Variants in CSMD2 observed in about 807,000 individuals in gnomAD.
CSMD2 encodes CUB and sushi domain-containing protein 2.
A neutral mutation model predicts 398.5 loss-of-function variants in CSMD2; 130 were observed. The observed-to-expected ratio is 0.33, with a 90% CI of 0.28 to 0.38. The LOEUF is 0.38. CSMD2 is among the 10% of genes least tolerant of loss of function. The pLI, the probability that CSMD2 is intolerant of heterozygous loss-of-function variation, is 1.00. For missense variants in CSMD2, 3,829 were observed against 4,764.9 expected, an observed-to-expected ratio of 0.80 and a Z score of 5.78; for synonymous variants, 1,828 against 1,908.5, an observed-to-expected ratio of 0.96 and a Z score of 1.10.
Position 33,533,044 on chromosome 1 carries a change from A to C in CSMD2, c.10171+6T>G. 1 of 1,600,252 alleles carries C rather than the reference A, an allele frequency of 6.2e-7. No individual in the cohort carries two copies. The highest frequency in any genetic ancestry group is 8.5e-7 in the Non-Finnish European group (1 of 1,171,556). The stretch of plus-strand genomic sequence containing the variant: ...CTGGAGAGCTTCCCCGAGCAGGCAC[A>C]CTCACCCAGGCAGATGGGCGGCTTG... On this transcript the variant is annotated splice_donor_region_variant and intron_variant, in intron 64 of 70. Coordinates refer to ENST00000373381, the MANE Select transcript of CSMD2 (RefSeq NM_001281956.2). This position sits in a 1 kb window ranked among gnomAD's most constrained non-coding sequence, Gnocchi z 4.2.
At chr1:33,974,216 A>G (rs1645875550) in intron 3 of CSMD2, among the ~76,000 whole-genome samples, 1 of 152,228 alleles carries the variant, frequency 6.6e-6, no homozygotes, top group African/African-American at 2.4e-5. Flanking sequence ...TACACAATGC[A>G]GCGGCTCACA....
chr1:33,623,541 C>T (rs1641906212), intron 35 of CSMD2, 75 bp from the exon 36 acceptor site: 1 of 1,026,542 alleles, frequency 9.7e-7, no homozygotes. Flanking sequence ...CCCTTTCTGC[C>T]CTTCCCGTAG....
chr1:33,536,889 C>T, intron 62 of CSMD2, 133 bp downstream of exon 62: 1 of 805,408 alleles, frequency 1.2e-6, no homozygotes, highest in Non-Finnish European at 2.0e-6. Context: ...AGGCAGAGGG[C>T]TTTCTTTCTG....
chr1:34,010,124 CT>C (rs1212168116), intron 3 of CSMD2, among the ~76,000 whole-genome samples: 1 of 152,210 alleles, frequency 6.6e-6, no homozygotes, highest in Admixed American at 6.5e-5. Flanking sequence ...TCCTTGCCTT[CT>C]GATACTATTC....
intron 41 of CSMD2, chr1:33,606,130 A>G: frequency 1.5e-6 from 2 of 1,323,588 alleles, no homozygotes; most frequent in South Asian, 3.1e-5. Context: ...GCCTCCATGG[A>G]AGCAGCTGAG....
chr1:33,945,617 C>T (rs918027795), intron 3 of CSMD2, among the ~76,000 whole-genome samples: 6 of 152,136 alleles, frequency 3.9e-5, no homozygotes, highest in African/African-American at 1.2e-4. Flanking sequence ...GCCACATTGC[C>T]TCCTTCCTGC....
chr1:33,932,251 A>G (rs1570547490), intron 4 of CSMD2, among the ~76,000 whole-genome samples: 1 of 152,156 alleles, frequency 6.6e-6, no homozygotes, highest in East Asian at 1.9e-4. Context: ...AGCTCAGGAC[A>G]GAGAATGGGG....
intron 13 of CSMD2, among the ~76,000 whole-genome samples, chr1:33,767,812 G>T (rs2149318384): frequency 6.6e-6 from 1 of 152,270 alleles, no homozygotes; most frequent in Middle Eastern, 3.4e-3. Context: ...CCAGCAGTTT[G>T]CTTCTATACT....
At chr1:34,127,138 C>T (rs1662830424) in intron 1 of CSMD2, among the ~76,000 whole-genome samples, 5 of 152,120 alleles carry the variant, frequency 3.3e-5, no homozygotes, top group Admixed American at 6.5e-5. Flanking sequence ...CAGAGTGAGA[C>T]ACCAAGAAGC....
intron 13 of CSMD2, among the ~76,000 whole-genome samples, chr1:33,763,634 C>G (rs1650118080): frequency 6.6e-6 from 1 of 152,188 alleles, no homozygotes; most frequent in Admixed American, 6.5e-5. Context: ...ATGCTGGGAG[C>G]CTCCTTCGTG....
chr1:33,660,482 C>T (rs1280243796), intron 26 of CSMD2, among the ~76,000 whole-genome samples: 1 of 152,188 alleles, frequency 6.6e-6, no homozygotes. Flanking sequence ...ACTAATCGTC[C>T]CTGGCATTTC....
chr1:33,664,900 A>G (rs1644259266), intron 25 of CSMD2, among the ~76,000 whole-genome samples: 1 of 152,192 alleles, frequency 6.6e-6, no homozygotes, highest in Non-Finnish European at 1.5e-5. Context: ...GTTTCAATTT[A>G]TATTCGCACT....
Position 33,537,675 on chromosome 1 carries a change from A to C in CSMD2, c.9632-66T>G. 1.3e-6 allele frequency: 2 copies of C among 1,488,378 alleles called. No individual in the cohort carries two copies. Among genetic ancestry groups the C allele is most frequent in the Non-Finnish European group, 9.1e-7 (1 of 1,102,698 alleles). The allele number at this position is 1,488,378 out of a possible 1,614,324, so 92.2% of individuals were successfully genotyped here. On this transcript the variant is annotated intron_variant, in intron 60 of 70. Transcript: ENST00000373381. The surrounding 1 kb of genome is among the most constrained non-coding windows in gnomAD (Gnocchi z 4.6). ...CCAGAACCCAATCTTCCAGTCCCACACCCCCATCTTTGTTCTTTGCACTGC... is the reference window on the plus strand; with the variant it reads ...CCAGAACCCAATCTTCCAGTCCCACCCCCCCATCTTTGTTCTTTGCACTGC...
chr1:34,041,620 T>C (rs1187125015), intron 2 of CSMD2, among the ~76,000 whole-genome samples: 1 of 152,112 alleles, frequency 6.6e-6, no homozygotes, highest in Admixed American at 6.5e-5. Context: ...GGCTTTGACG[T>C]GCCAGGCTTG....
At chr1:34,152,897 C>G (rs531323069) in intron 1 of CSMD2, among the ~76,000 whole-genome samples, 4 of 152,306 alleles carry the variant, frequency 2.6e-5, no homozygotes, top group African/African-American at 9.6e-5. Context: ...TCTCCCTCCC[C>G]AGCCCCTGGC....
Position 33,583,312 on chromosome 1 carries a change from G to A in CSMD2, c.7240+330C>T, listed in dbSNP as rs1638856877. ...AGCCAAAGAGGCAGCACAATGTTTG[G>A]TAGATCTCTGGGTTTTGGAGGAAGC... is the stretch of plus-strand genomic sequence containing the variant. On this transcript the variant is annotated intron_variant, in intron 47 of 70. Transcript: ENST00000373381. Among the ~76,000 whole-genome samples the A allele has an allele frequency of 2.0e-5, 3 of 152,330 alleles. No individual in the cohort carries two copies. In the South Asian group the frequency reaches 6.2e-4, roughly 32 times the overall value.
intron 21 of CSMD2, 43 bp from the exon 22 acceptor site, chr1:33,709,301 C>A: frequency 6.4e-7 from 1 of 1,558,590 alleles, no homozygotes; most frequent in Non-Finnish European, 8.7e-7. Context: ...CCCCCATCAG[C>A]TGCATCCAGA....
chr1:33,743,347 G>A lies in CSMD2; in HGVS notation c.2106C>T (p.His702=), dbSNP rs117716479. 0.014 allele frequency: 22,583 copies of A among 1,614,100 alleles called. 669 individuals are homozygous for A. Among genetic ancestry groups the A allele is most frequent in the Admixed American group, 0.086 (5,163 of 60,020 alleles). ...CAGTCTGGAACTCGAGACGGGCCACGTGGCCACTGCTTGTGATGGAGGAGG... is the reference window on the plus strand; with the variant it reads ...CAGTCTGGAACTCGAGACGGGCCACATGGCCACTGCTTGTGATGGAGGAGG... ...QLPSSITSSG[H]VARLEFQTDH... is the part of the protein sequence containing the mutation. The change falls in exon 14 of 71, where the codon CAC becomes CAT. Residue 702 remains histidine (H), a synonymous_variant. Coordinates refer to ENST00000373381, the MANE Select transcript of CSMD2 (RefSeq NM_001281956.2).
At chr1:33,690,796 G>A (rs890738006) in intron 25 of CSMD2, among the ~76,000 whole-genome samples, 2 of 152,156 alleles carry the variant, frequency 1.3e-5, no homozygotes, top group African/African-American at 4.8e-5. Flanking sequence ...TTGTTGAGCC[G>A]GGGGCACTGT....
Sources: allele counts gnomAD v4.1 joint callset (sites outside exome capture counted in the v4.1 genomes callset), GRCh38; gene constraint gnomAD v4.1.1; non-coding constraint Gnocchi (gnomAD v3.1); transcripts MANE v1.5; gene names NCBI Gene and HGNC (gene_info 2026-07-23, HGNC 2026-07-21).